DLG2: variants seen among roughly 807,000 people sequenced by gnomAD.
DLG2 encodes discs large MAGUK scaffold protein 2, also known as disks large homolog 2.
DLG2 carries 45 observed loss-of-function variants against 132.5 expected under a neutral mutation model. The observed-to-expected ratio is 0.34, with a 90% CI of 0.27 to 0.44. The LOEUF is 0.44. DLG2 is among the 20% of genes least tolerant of loss of function. The probability of loss-of-function intolerance (pLI) is 1.00; values close to 1 mark genes in which losing one functional copy is unlikely to be tolerated. For missense variants in DLG2, 1,045 were observed against 1,196.9 expected, an observed-to-expected ratio of 0.87 and a Z score of 1.87; for synonymous variants, 424 against 419.6, an observed-to-expected ratio of 1.01 and a Z score of -0.13.
intron 6 of DLG2, chr11:84,545,097 C>T: frequency 4.4e-6 from 2 of 453,470 alleles, no homozygotes; most frequent in Non-Finnish European, 8.8e-6. Context: ...TGTCACTTCT[C>T]TCTCTCACGC....
chr11:85,111,716 G>A lies in DLG2; in HGVS notation c.302C>T (p.Pro101Leu), dbSNP rs2072775927. 4 of 1,560,022 alleles carry A rather than the reference G, an allele frequency of 2.6e-6. No individual in the cohort carries two copies. In the East Asian group the frequency reaches 9.6e-5, roughly 37 times the overall value. Residue 101 changes from proline (P) to leucine (L), a missense_variant, in exon 6 of 28, where the codon CCA becomes CTA. Coordinates refer to ENST00000376104, the MANE Select transcript of DLG2 (RefSeq NM_001142699.3). ...GGCTTCCACTGAACAATTCTGGGCT[G>A]GGCATCTGCCTTGGTTTTGCTGCAA... is the stretch of plus-strand genomic sequence containing the variant. Reference protein sequence around the residue: ...ETTTQNQGRCPAQNCSVEAPA... With the variant: ...ETTTQNQGRCLAQNCSVEAPA...
At chr11:85,529,020 G>A (rs1028397488) in intron 3 of DLG2, among the ~76,000 whole-genome samples, 1 of 152,186 alleles carries the variant, frequency 6.6e-6, no homozygotes, top group East Asian at 1.9e-4. Context: ...AAGTATAGCT[G>A]TATGCAACTA....
chr11:85,598,626 T>TA, intron 3 of DLG2, 31 bp downstream of exon 3: 1 of 1,504,844 alleles, frequency 6.6e-7, no homozygotes, highest in East Asian at 2.6e-5. Flanking sequence ...TTCTGACCAT[T>TA]AAAATGATGA....
intron 19 of DLG2, among the ~76,000 whole-genome samples, chr11:83,546,216 T>C (rs1295884446): frequency 6.6e-6 from 1 of 152,146 alleles, no homozygotes; most frequent in Non-Finnish European, 1.5e-5. Flanking sequence ...CCTAACAAAA[T>C]AGTGCTTTTT....
Position 84,232,680 on chromosome 11 carries a change from G to A in DLG2, c.573+18558C>T, listed in dbSNP as rs963284712. 1.6e-4 allele frequency among the ~76,000 whole-genome samples: 24 copies of A among 152,268 alleles called. No homozygotes were observed. In the Middle Eastern group the frequency reaches 0.01, roughly 65 times the overall value. On this transcript the variant is annotated intron_variant, in intron 8 of 27. Coordinates refer to ENST00000376104, the MANE Select transcript of DLG2 (RefSeq NM_001142699.3). Reference sequence around the variant, plus strand: ...CAGAAGGATGGTTATCTGCAAACCAGCAAGACAGGCCTCACCAGAACCAAA... The same window carrying A: ...CAGAAGGATGGTTATCTGCAAACCAACAAGACAGGCCTCACCAGAACCAAA...
chr11:84,689,269 T>G (rs1474757623), intron 6 of DLG2, among the ~76,000 whole-genome samples: 2 of 152,122 alleles, frequency 1.3e-5, no homozygotes, highest in Non-Finnish European at 2.9e-5. Context: ...TCTTGTTTTT[T>G]TAACCATTCT....
At chr11:83,815,624 G>A (rs930532265) in intron 17 of DLG2, among the ~76,000 whole-genome samples, 1 of 152,144 alleles carries the variant, frequency 6.6e-6, no homozygotes, top group Non-Finnish European at 1.5e-5. Context: ...AGAGGTGGAT[G>A]GAGCAGAGAA....
intron 12 of DLG2, among the ~76,000 whole-genome samples, chr11:83,977,631 G>A (rs954422636): frequency 2.6e-5 from 4 of 152,024 alleles, no homozygotes; most frequent in Non-Finnish European, 4.4e-5. Context: ...ACCTTTGTCC[G>A]CCTTTCTAGG....
chr11:83,662,443 A>C (rs1422107156), intron 18 of DLG2, among the ~76,000 whole-genome samples: 1 of 152,182 alleles, frequency 6.6e-6, no homozygotes, highest in African/African-American at 2.4e-5. Context: ...CATGGAGAGG[A>C]GGCGGAGTGT....
intron 4 of DLG2, among the ~76,000 whole-genome samples, chr11:85,194,662 A>C (rs1181791430): frequency 6.6e-6 from 1 of 150,872 alleles, no homozygotes. Context: ...GGATTGTGGC[A>C]TGAAGTTAAA....
chr11:84,992,178 G>A (rs1376942311), intron 6 of DLG2, among the ~76,000 whole-genome samples: 1 of 151,998 alleles, frequency 6.6e-6, no homozygotes, highest in Admixed American at 6.5e-5. Flanking sequence ...TCTTGGGGAA[G>A]TCTTCTCTGA....
intron 18 of DLG2, among the ~76,000 whole-genome samples, chr11:83,763,598 C>G (rs879419094): frequency 6.6e-6 from 1 of 152,142 alleles, no homozygotes; most frequent in Non-Finnish European, 1.5e-5. Flanking sequence ...TGAATGATCA[C>G]CATATTTCAT....
intron 6 of DLG2, among the ~76,000 whole-genome samples, chr11:85,091,209 C>A (rs2068716998): frequency 6.6e-6 from 1 of 152,210 alleles, no homozygotes; most frequent in Non-Finnish European, 1.5e-5. Flanking sequence ...ATAAAAGTTA[C>A]ATTTATACTA....
intron 6 of DLG2, among the ~76,000 whole-genome samples, chr11:84,903,887 A>C (rs950636747): frequency 6.6e-6 from 1 of 152,166 alleles, no homozygotes; most frequent in African/African-American, 2.4e-5. Context: ...AATCATTATT[A>C]TTCTTAATAT....
chr11:84,166,031 C>T (rs534099556), intron 8 of DLG2, among the ~76,000 whole-genome samples: 2 of 152,252 alleles, frequency 1.3e-5, no homozygotes, highest in Non-Finnish European at 2.9e-5. Flanking sequence ...ACATGAGGAG[C>T]ATTTAGAGCA....
At chr11:84,321,873 C>T (rs1161715645) in intron 7 of DLG2, among the ~76,000 whole-genome samples, 1 of 152,152 alleles carries the variant, frequency 6.6e-6, no homozygotes, top group Non-Finnish European at 1.5e-5. Flanking sequence ...GAAAGCATTC[C>T]CTGAATACCG....
intron 11 of DLG2, among the ~76,000 whole-genome samples, chr11:84,032,736 T>A (rs1003881479): frequency 6.6e-6 from 1 of 152,134 alleles, no homozygotes; most frequent in African/African-American, 2.4e-5. Flanking sequence ...AGAGGAGAAG[T>A]CAATGCCTAG....
intron 6 of DLG2, among the ~76,000 whole-genome samples, chr11:84,895,822 CT>C (rs1194276422): frequency 6.6e-6 from 1 of 151,842 alleles, no homozygotes; most frequent in African/African-American, 2.4e-5. Context: ...TAATAATCAT[CT>C]GAGAATGGAG....
chr11:84,706,076 C>A (rs934818643), intron 6 of DLG2, among the ~76,000 whole-genome samples: 1 of 151,718 alleles, frequency 6.6e-6, no homozygotes. Flanking sequence ...GGATGTCTTC[C>A]ATGAAGAGAT....
Sources: gnomAD v4.1 joint callset for allele counts (sites outside exome capture counted in the v4.1 genomes callset) on GRCh38, gnomAD v4.1.1 for gene constraint, MANE v1.5 for transcripts, NCBI Gene and HGNC (gene_info 2026-07-23, HGNC 2026-07-21) for gene names.